EPS15: variants seen among roughly 807,000 people sequenced by gnomAD.
EPS15 encodes epidermal growth factor receptor substrate 15.
Under a neutral mutation model 113.8 loss-of-function variants are expected in EPS15, and 72 were observed. That is an observed-to-expected ratio of 0.63 (90% CI 0.52 to 0.77). The LOEUF is 0.77. EPS15 is among the 30% of genes least tolerant of loss of function. The probability of loss-of-function intolerance (pLI) is 0.00; values close to 1 mark genes in which losing one functional copy is unlikely to be tolerated. For synonymous variants in EPS15, 344 were observed against 363.4 expected (o/e 0.95, Z 0.61); for missense variants, 1,048 against 1,045.8 (o/e 1.00, Z -0.03).
rs374269670 is a variant in EPS15, at chr1:51,465,350, C to A, written c.310-24G>T. The A allele has an allele frequency of 5.9e-6, 9 of 1,537,190 alleles. No individual in the cohort carries two copies. The East Asian group carries it at 1.6e-4, about 27-fold the overall frequency. On this transcript the variant is annotated intron_variant, in intron 5 of 24. Coordinates refer to ENST00000371733, the MANE Select transcript of EPS15 (RefSeq NM_001981.3). The stretch of plus-strand genomic sequence containing the variant: ...TGCTATAGAAGAAAGTAAAGCACAA[C>A]AAGAGTTGAAATTCTCACATCAAGA...
intron 13 of EPS15, among the ~76,000 whole-genome samples, chr1:51,421,384 C>T (rs1179726765): frequency 1.3e-5 from 2 of 151,910 alleles, no homozygotes; most frequent in Non-Finnish European, 2.9e-5. Context: ...TAACAAAAAC[C>T]TCACATGCAT....
chr1:51,402,369 CTTAGT>C (rs1648654698), intron 18 of EPS15, 61 bp downstream of exon 18: 1 of 829,394 alleles, frequency 1.2e-6, no homozygotes, highest in Admixed American at 2.4e-5. Context: ...GCCTTGAATC[CTTAGT>C]TTATATATTA....
At chr1:51,436,327 C>T (rs1048564233) in intron 12 of EPS15, among the ~76,000 whole-genome samples, 3 of 152,036 alleles carry the variant, frequency 2.0e-5, no homozygotes, top group Non-Finnish European at 4.4e-5. Context: ...GAGGAAAAGG[C>T]TCAAAGCAGA....
intron 20 of EPS15, 125 bp from the exon 21 acceptor site, chr1:51,394,572 C>G: frequency 2.0e-6 from 1 of 488,100 alleles, no homozygotes; most frequent in Non-Finnish European, 3.7e-6. Flanking sequence ...ACATTAGGAA[C>G]AAATGTTTCC....
chr1:51,400,160 G>C (rs1285805062), intron 19 of EPS15, among the ~76,000 whole-genome samples: 2 of 152,118 alleles, frequency 1.3e-5, no homozygotes, highest in Non-Finnish European at 2.9e-5. Context: ...AACAAGATTT[G>C]CATTATTCTA....
chr1:51,503,700 T>C (rs1212618675), intron 1 of EPS15, among the ~76,000 whole-genome samples: 2 of 152,110 alleles, frequency 1.3e-5, no homozygotes, highest in Non-Finnish European at 2.9e-5. Flanking sequence ...TCAAAATGTA[T>C]TACAAAACAA....
intron 1 of EPS15, among the ~76,000 whole-genome samples, chr1:51,501,759 G>A (rs1206793205): frequency 3.3e-5 from 5 of 152,126 alleles, no homozygotes; most frequent in African/African-American, 1.2e-4. Flanking sequence ...GATTACAGGT[G>A]AGAGCGGCTG....
intron 1 of EPS15, among the ~76,000 whole-genome samples, chr1:51,486,562 T>G (rs986503195): frequency 6.6e-6 from 1 of 152,000 alleles, no homozygotes; most frequent in African/African-American, 2.4e-5. Flanking sequence ...GATTGGACAA[T>G]ATAGGGAGAT....
In EPS15 at chr1:51,355,978, A is replaced by G. The variant is rs1363268658; in HGVS notation, c.*722T>C. The G allele has an allele frequency of 5.2e-6, 1 of 191,548 alleles. No homozygotes were observed. The highest frequency in any genetic ancestry group is 6.1e-5 in the Admixed American group (1 of 16,316). The allele number at this position is 191,548 out of a possible 1,614,324, so 11.9% of individuals were successfully genotyped here. On this transcript the variant is annotated 3_prime_UTR_variant, in exon 25 of 25. Coordinates refer to ENST00000371733, the MANE Select transcript of EPS15 (RefSeq NM_001981.3). ...TATTTGTAAGAAACTGATTTTTATT[A>G]ATTAGCAAACACACTGAGAGGTATC...
rs572892967 is a variant in EPS15, at chr1:51,433,725, A to G, written c.1040+6622T>C. ...TAAAGAAGGCACAGTACAATGCCTG[A>G]TAACTATTATTCTAATTATCTATCC... is the stretch of plus-strand genomic sequence containing the variant. On this transcript the variant is annotated intron_variant, in intron 12 of 24. Transcript: ENST00000371733. 1.2e-4 allele frequency among the ~76,000 whole-genome samples: 18 copies of G among 152,358 alleles called. No individual in the cohort carries two copies. The East Asian group carries it at 2.7e-3, about 23-fold the overall frequency.
intron 8 of EPS15, among the ~76,000 whole-genome samples, chr1:51,451,490 C>CAAAAAA (rs56091976): frequency 1.2e-4 from 6 of 50,688 alleles, no homozygotes; most frequent in South Asian, 6.7e-4. Context: ...GACTCCATCT[C>CAAAAAA]AAAAAAAAAA....
At chr1:51,399,325 C>A (rs1043869986) in intron 19 of EPS15, among the ~76,000 whole-genome samples, 160 bp from the exon 20 acceptor site, 1 of 151,760 alleles carries the variant, frequency 6.6e-6, no homozygotes. Flanking sequence ...CTGAGACAGG[C>A]AGATCACTTG....
chr1:51,468,496 G>C lies in EPS15; in HGVS notation c.286C>G (p.Leu96Val). 1 of 1,611,564 alleles carries C rather than the reference G, an allele frequency of 6.2e-7. No homozygotes were observed. The highest frequency in any genetic ancestry group is 8.5e-7 in the Non-Finnish European group (1 of 1,177,728). Residue 96 changes from leucine (L) to valine (V), a missense_variant, in exon 5 of 25, where the codon CTG becomes GTG. Leu to Val is a conservative substitution (Grantham distance 32). Transcript: ENST00000371733. ...ACAAATCTTGGTGGAGGAACAGCCA[G>C]GTTCAAACTACTTAGTGAAACTTCC... is the stretch of plus-strand genomic sequence containing the variant. ...GLEVSLSSLN[L>V]AVPPPRFHDT...
At chr1:51,423,077 T>C (rs78944908) in intron 12 of EPS15, 19,767 of 484,796 alleles carry the variant, frequency 0.041, 582 homozygotes, top group Non-Finnish European at 0.051. Context: ...ATTTTAAATG[T>C]AGACAAAAAT....
Position 51,354,339 on chromosome 1 carries a change from G to T in EPS15, c.*2361C>A, listed in dbSNP as rs541113424. 1.7e-5 allele frequency: 3 copies of T among 179,546 alleles called. No individual in the cohort carries two copies. The highest frequency in any genetic ancestry group is 3.6e-5 in the Non-Finnish European group (3 of 83,860). The allele number at this position is 179,546 out of a possible 1,614,324, so 11.1% of individuals were successfully genotyped here. ...TTACATATATTAATCTGTGCTGATT[G>T]TATGTACCTACTCCTCCTTGGACAC... On this transcript the variant is annotated 3_prime_UTR_variant, in exon 25 of 25. Transcript: ENST00000371733.
chr1:51,437,453 GCTTA>G (rs774776010), intron 12 of EPS15, among the ~76,000 whole-genome samples: 5 of 149,810 alleles, frequency 3.3e-5, no homozygotes, highest in Non-Finnish European at 5.9e-5. Flanking sequence ...CATACATGCT[GCTTA>G]CTTAGAGGTT....
intron 12 of EPS15, among the ~76,000 whole-genome samples, chr1:51,435,165 A>G (rs571436679): frequency 9.2e-5 from 14 of 151,566 alleles, no homozygotes; most frequent in African/African-American, 3.4e-4. Context: ...CCTTTTATAT[A>G]TAAAATCCTT....
intron 21 of EPS15, among the ~76,000 whole-genome samples, chr1:51,378,284 C>T (rs563548015): frequency 5.3e-5 from 8 of 151,970 alleles, no homozygotes; most frequent in African/African-American, 1.7e-4. Context: ...ACTTAATAGA[C>T]CAGAGTATAG....
chr1:51,476,806 A>C (rs1318291939), intron 2 of EPS15, among the ~76,000 whole-genome samples: 1 of 152,138 alleles, frequency 6.6e-6, no homozygotes. Context: ...GATGAAACCC[A>C]TTTGATCATG....
Sources: allele counts gnomAD v4.1 joint callset (sites outside exome capture counted in the v4.1 genomes callset), GRCh38; gene constraint gnomAD v4.1.1; transcripts MANE v1.5; gene names NCBI Gene and HGNC (gene_info 2026-07-23, HGNC 2026-07-21).